The following KRT79 variants were observed in gnomAD, a reference collection of about 807,000 sequenced individuals.
KRT79 encodes keratin, type II cytoskeletal 79.
In KRT79, 51 loss-of-function variants were observed where a neutral mutation model predicts 49.0. The observed-to-expected ratio is 1.04, with a 90% CI of 0.83 to 1.31. The LOEUF (loss-of-function observed/expected upper bound fraction) is 1.31. Ranked by LOEUF, KRT79 falls within the 40% of genes most tolerant of loss-of-function variation. KRT79 has a pLI of 0.00. For synonymous variants in KRT79, 312 were observed against 286.6 expected (o/e 1.09, Z -0.90); for missense variants, 728 against 688.0 (o/e 1.06, Z -0.65).
In KRT79 at chr12:52,823,234, A is replaced by AC; in HGVS notation, c.1148dup (p.Cys383TrpfsTer46). 1 of 1,613,884 alleles carries AC rather than the reference A, an allele frequency of 6.2e-7. No individual in the cohort carries two copies. Among genetic ancestry groups the AC allele is most frequent in the Non-Finnish European group, 8.5e-7 (1 of 1,179,822 alleles). On this transcript the variant is annotated frameshift_variant and splice_region_variant, in exon 7 of 9. Coordinates refer to ENST00000330553, the MANE Select transcript of KRT79 (RefSeq NM_175834.3). LOFTEE classifies it high-confidence loss of function. ...CCGCAATGGCCGTCTGCAGCTGCTG[A>AC]CACTGCCCAGGGGAGAAAGGTGTTG... is the stretch of plus-strand genomic sequence containing the variant.
chr12:52,824,931 ACAAAGCC>A (rs1481503719), intron 4 of KRT79, among the ~76,000 whole-genome samples: 3 of 152,238 alleles, frequency 2.0e-5, no homozygotes, highest in Admixed American at 2.0e-4. Context: ...CAATTGCACC[ACAAAGCC>A]CAAGTGGTTT....
intron 6 of KRT79, 98 bp from the exon 7 acceptor site, chr12:52,823,334 GC>G (rs537952460): frequency 5.2e-4 from 480 of 930,964 alleles, no homozygotes; most frequent in Non-Finnish European, 7.3e-4. Context: ...CCACATCCCT[GC>G]CCCCAACCAG....
At chr12:52,823,465 A>T (rs1480569665) in intron 6 of KRT79, among the ~76,000 whole-genome samples, 1 of 152,240 alleles carries the variant, frequency 6.6e-6, no homozygotes, top group Non-Finnish European at 1.5e-5. Context: ...GCTGCAGATC[A>T]GCCCAATGCC....
chr12:52,824,965 A>T (rs1266857900), intron 4 of KRT79, among the ~76,000 whole-genome samples: 3 of 152,238 alleles, frequency 2.0e-5, no homozygotes, highest in Non-Finnish European at 4.4e-5. Flanking sequence ...GAGCACACTG[A>T]AAAGTATAGA....
chr12:52,822,898 G>C, intron 7 of KRT79, 118 bp downstream of exon 7: 2 of 987,078 alleles, frequency 2.0e-6, no homozygotes, highest in Non-Finnish European at 3.0e-6. Flanking sequence ...CCCCGCGTGA[G>C]TCAGGATCTT....
intron 6 of KRT79, 30 bp downstream of exon 6, chr12:52,823,857 C>T (rs1196494353): frequency 6.2e-7 from 1 of 1,601,654 alleles, no homozygotes; most frequent in African/African-American, 1.3e-5. Flanking sequence ...ACACCTAGGC[C>T]AGACCCCCAA....
At position 52,823,171 on chromosome 12, in the gene KRT79, A is replaced by G; in HGVS notation, c.1212T>C (p.Ala404=). 3.1e-6 allele frequency: 5 copies of G among 1,614,146 alleles called. No homozygotes were observed. The highest frequency in any genetic ancestry group is 4.2e-6 in the Non-Finnish European group (5 of 1,180,018). The change falls in exon 7 of 9, where the codon GCT becomes GCC. Residue 404 remains alanine, a synonymous_variant. Coordinates refer to ENST00000330553, the MANE Select transcript of KRT79 (RefSeq NM_175834.3). ...CATCCAGATCCCCAAGCTTCTTCTG[A>G]GCATCCTTGAGTGCCAGCTCCCCAC... ...EQRGELALKD[A]QKKLGDLDVA...
At chr12:52,832,613 G>A (rs187125769) in intron 1 of KRT79, among the ~76,000 whole-genome samples, 1 of 152,272 alleles carries the variant, frequency 6.6e-6, no homozygotes, top group Non-Finnish European at 1.5e-5. Flanking sequence ...GGGAGAGGGT[G>A]AGGAGGCAGG....
chr12:52,830,204 A>G, intron 3 of KRT79, 28 bp downstream of exon 3: 5 of 1,613,916 alleles, frequency 3.1e-6, no homozygotes, highest in Non-Finnish European at 4.2e-6. Context: ...CAGCCAAAGG[A>G]CCACCTCCCC....
Position 52,831,534 on chromosome 12 carries a change from G to C in KRT79, c.570C>G (p.Asn190Lys), listed in dbSNP as rs1940255551. The C allele has an allele frequency of 6.2e-7, 1 of 1,614,248 alleles. No individual in the cohort carries two copies. The highest frequency in any genetic ancestry group is 8.5e-7 in the Non-Finnish European group (1 of 1,180,040). Residue 190 changes from asparagine to lysine, a missense_variant, in exon 2 of 9, where the codon AAC becomes AAG. Coordinates refer to ENST00000330553, the MANE Select transcript of KRT79 (RefSeq NM_175834.3). The stretch of plus-strand genomic sequence containing the variant: ...GGTAGGCCTCAAAGAGGGGCTCCAG[G>C]TTGTTCCTGGTGACACCCAAGTTCT... ...QGQNLGVTRN[N>K]LEPLFEAYLG... is the part of the protein sequence containing the mutation.
At chr12:52,829,240 G>A (rs1466063896) in intron 4 of KRT79, among the ~76,000 whole-genome samples, 1 of 152,016 alleles carries the variant, frequency 6.6e-6, no homozygotes, top group African/African-American at 2.4e-5. Context: ...TTGTCTCCTG[G>A]AACCCCTCCT....
chr12:52,821,613 C>CGCCGTATCATTCA lies in KRT79; in HGVS notation c.*258_*259insTGAATGATACGGC. On this transcript the variant is annotated 3_prime_UTR_variant, in exon 9 of 9. Transcript: ENST00000330553. ...AGAAATTCAGCCTCCTCTCGGTGGT[C>CGCCGTATCATTCA]AAAAGGTCACCCCCAAGTCACCCAA... 2.0e-6 allele frequency: 1 copy of CGCCGTATCATTCA among 494,336 alleles called. No homozygotes were observed. The highest frequency in any genetic ancestry group is 3.6e-6 in the Non-Finnish European group (1 of 276,416). 30.6% of individuals were successfully genotyped at this position (494,336 alleles called of 1,614,324 possible). A position where few individuals can be genotyped will look rare whatever the true frequency, so the allele number is the denominator to read the frequency against.
chr12:52,833,923 C>T lies in KRT79; in HGVS notation c.338G>A (p.Gly113Glu), dbSNP rs1202939084. ...CTGGTTGACAGTGACCTCCTGGATC[C>T]CCCCAGGAGGACAAGCAGGCCCAAA... The part of the protein sequence containing the change: ...QTFGPACPPG[G>E]IQEVTVNQSL... The change falls in exon 1 of 9, where the codon GGG (glycine) becomes GAG (glutamate). Residue 113 changes from glycine (G) to glutamate (E), a missense_variant. Gly to Glu is a moderately conservative substitution (Grantham distance 98). Transcript: ENST00000330553. The T allele has an allele frequency of 6.2e-7, 1 of 1,612,832 alleles. No homozygotes were observed. Among genetic ancestry groups the T allele is most frequent in the Admixed American group, 1.7e-5 (1 of 59,986 alleles).
rs374198636 is a variant in KRT79 at position 52,821,947 on chromosome 12, C to T, written c.1533G>A (p.Lys511=). The T allele has an allele frequency of 3.3e-5, 53 of 1,614,054 alleles. No homozygotes were observed. The highest frequency in any genetic ancestry group is 4.5e-5 in the Non-Finnish European group (53 of 1,180,024). The change falls in exon 9 of 9, where the codon AAG becomes AAA. Residue 511 remains lysine, a synonymous_variant. Coordinates refer to ENST00000330553, the MANE Select transcript of KRT79 (RefSeq NM_175834.3). The stretch of plus-strand genomic sequence containing the variant: ...AGGTGCCCGCAGAGACTGGCCCTCC[C>T]TTGACGGTGCTATAGCCCACATTTG... ...FSTNVGYSTV[K]GGPVSAGTSI...
At chr12:52,829,902 T>A in intron 4 of KRT79, 121 bp downstream of exon 4, 69 of 792,614 alleles carry the variant, frequency 8.7e-5, no homozygotes, top group South Asian at 3.9e-4. Context: ...AAAAAAAAAG[T>A]GTTAAGGTTT....
In KRT79 at chr12:52,821,611, G is replaced by T; in HGVS notation, c.*261C>A. 1.9e-6 allele frequency: 1 copy of T among 519,450 alleles called. No homozygotes were observed. Among genetic ancestry groups the T allele is most frequent in the Non-Finnish European group, 3.5e-6 (1 of 287,074 alleles). 32.2% of individuals were successfully genotyped at this position (519,450 alleles called of 1,614,324 possible). ...TGAGAAATTCAGCCTCCTCTCGGTG[G>T]TCAAAAGGTCACCCCCAAGTCACCC... On this transcript the variant is annotated 3_prime_UTR_variant, in exon 9 of 9. Transcript: ENST00000330553.
intron 2 of KRT79, 102 bp from the exon 3 acceptor site, chr12:52,830,394 C>G: frequency 2.2e-6 from 2 of 901,946 alleles, no homozygotes; most frequent in Non-Finnish European, 3.7e-6. Context: ...CCTCACTGAT[C>G]AAGAACACCT....
intron 2 of KRT79, among the ~76,000 whole-genome samples, chr12:52,831,112 G>C (rs527424919): frequency 6.6e-6 from 1 of 152,316 alleles, no homozygotes; most frequent in Non-Finnish European, 1.5e-5. Flanking sequence ...GAAGTGGGGA[G>C]GTGTAAAAAA....
chr12:52,822,403 A>G (rs1206242862), intron 7 of KRT79, 24 bp from the exon 8 acceptor site: 4 of 1,538,660 alleles, frequency 2.6e-6, no homozygotes, highest in Non-Finnish European at 3.5e-6. Context: ...AAAGGCCAGG[A>G]GAGCAGTCAG....
Sources: gnomAD v4.1 joint callset for allele counts (sites outside exome capture counted in the v4.1 genomes callset) on GRCh38, gnomAD v4.1.1 for gene constraint, MANE v1.5 for transcripts, NCBI Gene and HGNC (gene_info 2026-07-23, HGNC 2026-07-21) for gene names.